The following FIBCD1 variants were observed in gnomAD, a reference collection of about 807,000 sequenced individuals.
FIBCD1 encodes fibrinogen C domain-containing protein 1.
A neutral mutation model predicts 45.1 loss-of-function variants in FIBCD1; 47 were observed. That is an observed-to-expected ratio of 1.04 (90% confidence interval 0.82 to 1.33). The LOEUF (loss-of-function observed/expected upper bound fraction) is 1.33. FIBCD1 is among the 40% of genes most tolerant of loss of function. The pLI, the probability that FIBCD1 is intolerant of heterozygous loss-of-function variation, is 0.00. For synonymous variants in FIBCD1, 313 were observed against 308.1 expected (o/e 1.02, Z -0.17); for missense variants, 653 against 682.2 (o/e 0.96, Z 0.48).
rs1216114290 is a variant in FIBCD1, at chr9:130,903,676, C to T, written c.*388G>A. ...GGAGGACTCCAGGGGTGCTGTCTGC[C>T]CCCTGCTCTCTGTCCCCATAATGCC... On this transcript the variant is annotated 3_prime_UTR_variant, in exon 7 of 7. Transcript: ENST00000372338. The T allele has an allele frequency of 2.7e-6, 1 of 367,560 alleles. No individual in the cohort carries two copies. The highest frequency in any genetic ancestry group is 2.1e-5 in the African/African-American group (1 of 47,696). The allele number at this position is 367,560 out of a possible 1,614,324, so 22.8% of individuals were successfully genotyped here. A position where few individuals can be genotyped will look rare whatever the true frequency, so the allele number is the denominator to read the frequency against.
At chr9:130,911,524 G>A (rs960902809) in intron 5 of FIBCD1, among the ~76,000 whole-genome samples, 6 of 152,218 alleles carry the variant, frequency 3.9e-5, no homozygotes, top group African/African-American at 1.4e-4. Flanking sequence ...GGTGACCCCG[G>A]CAGGAAGTGG....
intron 5 of FIBCD1, 43 bp downstream of exon 5, chr9:130,911,749 G>A: frequency 1.3e-6 from 2 of 1,542,124 alleles, no homozygotes; most frequent in Middle Eastern, 1.7e-4. Context: ...GGAAGGCAGG[G>A]GGAGGAGGCC....
chr9:130,920,737 A>T (rs1198560307), intron 4 of FIBCD1, among the ~76,000 whole-genome samples: 2 of 151,794 alleles, frequency 1.3e-5, no homozygotes, highest in Non-Finnish European at 2.9e-5. Flanking sequence ...GCCCCCAAAC[A>T]AGCCATACCG....
In FIBCD1 at chr9:130,924,419, C is replaced by G. The variant is rs775566308; in HGVS notation, c.553-23G>C. The G allele has an allele frequency of 4.4e-6, 7 of 1,586,006 alleles. No homozygotes were observed. The South Asian group carries it at 4.6e-5, about 10-fold the overall frequency. ...AAGCTGCGGAGCACAGGGGGTGAGC[C>G]GAGGGGGCAGGGGCTCTGTTGGGGG... is the stretch of plus-strand genomic sequence containing the variant. On this transcript the variant is annotated intron_variant, in intron 2 of 6. Coordinates refer to ENST00000372338, the MANE Select transcript of FIBCD1 (RefSeq NM_032843.5).
chr9:130,905,266 G>C lies in FIBCD1; in HGVS notation c.1094C>G (p.Pro365Arg). Residue 365 changes from proline (P) to arginine (R), a missense_variant, in exon 6 of 7, where the codon CCG becomes CGG. Transcript: ENST00000372338. ...FSVDPEEDGYPLTVADYSGTA... is the reference protein window; with the variant it reads ...FSVDPEEDGYRLTVADYSGTA... Reference sequence around the variant, plus strand: ...GCCGGAATAGTCAGCCACGGTGAGCGGGTACCCGTCTTCCTCAGGGTCCAC... The same window carrying C: ...GCCGGAATAGTCAGCCACGGTGAGCCGGTACCCGTCTTCCTCAGGGTCCAC... 2 of 1,613,884 alleles carry C rather than the reference G, an allele frequency of 1.2e-6. No homozygotes were observed. Among genetic ancestry groups the C allele is most frequent in the Non-Finnish European group, 1.7e-6 (2 of 1,180,002 alleles).
chr9:130,911,804 C>T lies in FIBCD1; in HGVS notation c.934G>A (p.Glu312Lys), dbSNP rs755514768. The T allele has an allele frequency of 3.1e-6, 5 of 1,601,854 alleles. No individual in the cohort carries two copies. Among genetic ancestry groups the T allele is most frequent in the East Asian group, 4.6e-5 (2 of 43,922 alleles). ...YRDGFGRLTG[E>K]HWLGLKRIHA... Reference sequence around the variant, plus strand: ...GTGGGGTGCTCACCTAGCCAGTGCTCCCCGGTGAGCCTGCCAAAGCCGTCT... The same window carrying T: ...GTGGGGTGCTCACCTAGCCAGTGCTTCCCGGTGAGCCTGCCAAAGCCGTCT... The change falls in exon 5 of 7, where the codon GAG (glutamate) becomes AAG (lysine). Residue 312 changes from glutamate to lysine, a missense_variant. Physicochemically the swap from Glu to Lys is moderately conservative, Grantham distance 56. Coordinates refer to ENST00000372338, the MANE Select transcript of FIBCD1 (RefSeq NM_032843.5).
upstream of FIBCD1, among the ~76,000 whole-genome samples, chr9:130,940,100 C>A (rs1832596980): frequency 1.3e-5 from 2 of 152,244 alleles, no homozygotes; most frequent in Non-Finnish European, 2.9e-5. Context: ...CCGTCTCTCC[C>A]CCACTGGCTG....
chr9:130,911,276 A>AT (rs1326748470), intron 5 of FIBCD1, among the ~76,000 whole-genome samples: 5 of 152,030 alleles, frequency 3.3e-5, no homozygotes, highest in Admixed American at 3.3e-4. Flanking sequence ...GCGCTACCTT[A>AT]AGAGCTATAA....
At chr9:130,916,228 CT>C (rs1339587567) in intron 4 of FIBCD1, among the ~76,000 whole-genome samples, 1 of 152,250 alleles carries the variant, frequency 6.6e-6, no homozygotes, top group Non-Finnish European at 1.5e-5. Flanking sequence ...CGCGCCCAGC[CT>C]TAGTGCACTG....
intron 2 of FIBCD1, among the ~76,000 whole-genome samples, chr9:130,925,820 C>T (rs1414062325): frequency 2.0e-5 from 3 of 152,198 alleles, no homozygotes; most frequent in African/African-American, 4.8e-5. Context: ...TGGAGCCGGC[C>T]GGGTCTTTAT....
intron 2 of FIBCD1, among the ~76,000 whole-genome samples, chr9:130,927,457 G>A (rs1226547627): frequency 2.6e-5 from 4 of 152,156 alleles, no homozygotes; most frequent in Non-Finnish European, 4.4e-5. Flanking sequence ...CACATCTCAC[G>A]GGTGACAAGA....
chr9:130,931,123 T>C (rs1832443077), intron 1 of FIBCD1, among the ~76,000 whole-genome samples: 1 of 152,014 alleles, frequency 6.6e-6, no homozygotes, highest in Non-Finnish European at 1.5e-5. Flanking sequence ...CAGGTAGCCC[T>C]AAGGCCACCC....
chr9:130,930,132 G>A (rs1329274606), intron 1 of FIBCD1, 86 bp from the exon 2 acceptor site: 44 of 1,425,334 alleles, frequency 3.1e-5, no homozygotes, highest in Non-Finnish European at 3.9e-5. Context: ...TGGGGTCAGA[G>A]GACCCCCTTC....
intron 1 of FIBCD1, among the ~76,000 whole-genome samples, chr9:130,934,358 G>C (rs1832487036): frequency 6.6e-6 from 1 of 152,222 alleles, no homozygotes; most frequent in Admixed American, 6.5e-5. Flanking sequence ...CTGCAGGCTT[G>C]TTCTGTGAGA....
At chr9:130,913,317 A>G (rs1293129588) in intron 4 of FIBCD1, among the ~76,000 whole-genome samples, 2 of 150,262 alleles carry the variant, frequency 1.3e-5, no homozygotes, top group African/African-American at 4.9e-5. Flanking sequence ...GCCGGCCTCC[A>G]TCTGTGTCAG....
chr9:130,938,921 C>G lies in FIBCD1; in HGVS notation c.-314G>C, dbSNP rs1199382740. ...CTCTCCTCCCTCGTCCCTCCTCCCT[C>G]CTTCTCAATCTCCGCATCTTTTCTG... On this transcript the variant is annotated 5_prime_UTR_variant, in exon 1 of 7. Transcript: ENST00000372338. 1 of 152,686 alleles carries G rather than the reference C, an allele frequency of 6.5e-6. No homozygotes were observed. Among genetic ancestry groups the G allele is most frequent in the Non-Finnish European group, 1.5e-5 (1 of 68,494 alleles). 9.5% of individuals were successfully genotyped at this position (152,686 alleles called of 1,614,324 possible). A position where few individuals can be genotyped will look rare whatever the true frequency, so the allele number is the denominator to read the frequency against.
chr9:130,935,497 G>A (rs144449118), intron 1 of FIBCD1, among the ~76,000 whole-genome samples: 215 of 152,334 alleles, frequency 1.4e-3, no homozygotes, highest in Middle Eastern at 3.4e-3. Context: ...GTCCAAGGTC[G>A]CCCGACAAAG....
chr9:130,926,691 G>A lies in FIBCD1; in HGVS notation c.553-2295C>T, dbSNP rs1294511884. On this transcript the variant is annotated intron_variant, in intron 2 of 6. Transcript: ENST00000372338. The surrounding 1 kb of genome is among the most constrained non-coding windows in gnomAD (Gnocchi z 4.1). Reference sequence around the variant, plus strand: ...AAAAAAATTAGCCGGGCGTGGTGGCGGGCGCCTGTAGTCCCAGCTACTCAG... The same window carrying A: ...AAAAAAATTAGCCGGGCGTGGTGGCAGGCGCCTGTAGTCCCAGCTACTCAG... Among the ~76,000 whole-genome samples the A allele has an allele frequency of 4.6e-5, 7 of 152,004 alleles. No individual in the cohort carries two copies. Among genetic ancestry groups the A allele is most frequent in the African/African-American group, 1.5e-4 (6 of 41,366 alleles).
Position 130,911,797 on chromosome 9 carries a change from C to T in FIBCD1, c.941G>A (p.Trp314Ter), listed in dbSNP as rs750650927. The stretch of plus-strand genomic sequence containing the variant: ...ATGGTGGGTGGGGTGCTCACCTAGC[C>T]AGTGCTCCCCGGTGAGCCTGCCAAA... ...DGFGRLTGEH[W>*]LGLKRIHALT... is the part of the protein sequence containing the mutation. The change falls in exon 5 of 7, where the codon TGG (tryptophan) becomes TAG (stop). Residue 314 changes from tryptophan to a stop codon, truncating the protein, a stop_gained. Transcript: ENST00000372338. LOFTEE classifies it high-confidence loss of function. 4.2e-5 allele frequency: 67 copies of T among 1,599,652 alleles called. No homozygotes were observed. The Admixed American group carries it at 5.3e-4, about 13-fold the overall frequency.
Sources: gnomAD v4.1 joint callset for allele counts (sites outside exome capture counted in the v4.1 genomes callset) on GRCh38, gnomAD v4.1.1 for gene constraint, Gnocchi (gnomAD v3.1) non-coding constraint, MANE v1.5 for transcripts, NCBI Gene and HGNC (gene_info 2026-07-23, HGNC 2026-07-21) for gene names.